Variants in TRDN observed in about 807,000 individuals in gnomAD.
The protein encoded by TRDN is triadin, also known as triadin in skeletal muscle.
Under a neutral mutation model 149.7 loss-of-function variants are expected in TRDN, and 161 were observed. The ratio of observed to expected loss-of-function variants is 1.08; its 90% CI spans 0.95 to 1.23. The LOEUF (loss-of-function observed/expected upper bound fraction) is 1.23. Ranked by LOEUF, TRDN falls within the 50% of genes most tolerant of loss-of-function variation. The probability of loss-of-function intolerance (pLI) is 0.00; values close to 1 mark genes in which losing one functional copy is unlikely to be tolerated. For missense variants in TRDN, 896 were observed against 823.5 expected, an observed-to-expected ratio of 1.09 and a Z score of -1.08; for synonymous variants, 294 against 250.5, an observed-to-expected ratio of 1.17 and a Z score of -1.64.
At chr6:123,312,363 A>T (rs1421614084) in intron 24 of TRDN, among the ~76,000 whole-genome samples, 1 of 151,820 alleles carries the variant, frequency 6.6e-6, no homozygotes, top group African/African-American at 2.4e-5. Flanking sequence ...TCCTCAGCCT[A>T]CTCAACATGA....
Position 123,352,472 on chromosome 6 carries a change from G to T in TRDN, c.1369+67C>A, listed in dbSNP as rs369318318. The T allele has an allele frequency of 8.5e-5, 135 of 1,593,368 alleles. No individual in the cohort carries two copies. In the African/African-American group the frequency reaches 1.7e-3, roughly 21 times the overall value. ...ATTGTCTTCCGCCTGTCTGAATCCAGTGCTTTCCTCCGCATGTTGTTGTCT... is the reference window on the plus strand; with the variant it reads ...ATTGTCTTCCGCCTGTCTGAATCCATTGCTTTCCTCCGCATGTTGTTGTCT... On this transcript the variant is annotated intron_variant, in intron 21 of 40. Coordinates refer to ENST00000334268, the MANE Select transcript of TRDN (RefSeq NM_006073.4).
chr6:123,376,436 T>C (rs1466108805), intron 18 of TRDN, among the ~76,000 whole-genome samples: 1 of 152,182 alleles, frequency 6.6e-6, no homozygotes, highest in Non-Finnish European at 1.5e-5. Context: ...AAAAATGTAA[T>C]TGTTCTATTT....
intron 1 of TRDN, among the ~76,000 whole-genome samples, chr6:123,592,806 A>G (rs532367300): frequency 6.6e-6 from 1 of 152,324 alleles, no homozygotes; most frequent in Non-Finnish European, 1.5e-5. Context: ...TCCCTTGAAT[A>G]GTATTGATCT....
chr6:123,579,390 T>C (rs569523405), intron 1 of TRDN, among the ~76,000 whole-genome samples: 14 of 152,314 alleles, frequency 9.2e-5, no homozygotes, highest in Non-Finnish European at 1.5e-4. Flanking sequence ...CTTCATCTAT[T>C]GAGATAATCA....
chr6:123,603,850 C>G (rs140265085), intron 1 of TRDN, among the ~76,000 whole-genome samples: 2 of 152,096 alleles, frequency 1.3e-5, no homozygotes, highest in South Asian at 4.1e-4. Flanking sequence ...TATCATTGGG[C>G]ATAAACTGAA....
intron 24 of TRDN, among the ~76,000 whole-genome samples, chr6:123,314,389 A>G (rs1201463469): frequency 6.6e-6 from 1 of 151,958 alleles, no homozygotes; most frequent in African/African-American, 2.4e-5. Context: ...CGCATATACA[A>G]TGTTGGTGGG....
intron 39 of TRDN, 134 bp downstream of exon 39, chr6:123,223,959 G>T: frequency 1.5e-6 from 1 of 654,664 alleles, no homozygotes; most frequent in Non-Finnish European, 2.5e-6. Flanking sequence ...TTAAAAATAA[G>T]CCTACCATGT....
Position 123,562,987 on chromosome 6 carries a change from A to G in TRDN, c.232+7936T>C, listed in dbSNP as rs1359416286. Among the ~76,000 whole-genome samples, 11 of 152,180 alleles carry G rather than the reference A, an allele frequency of 7.2e-5. No individual in the cohort carries two copies. The South Asian group carries it at 8.3e-4, about 11-fold the overall frequency. The stretch of plus-strand genomic sequence containing the variant: ...CCCTCTGCTTTAAAAAACTTTCTCA[A>G]CTGAAATTTTTCCACACTCATCTTT... On this transcript the variant is annotated intron_variant, in intron 2 of 40. Transcript: ENST00000334268.
At chr6:123,571,304 C>T (rs1238393031) in intron 1 of TRDN, among the ~76,000 whole-genome samples, 172 bp from the exon 2 acceptor site, 2 of 152,194 alleles carry the variant, frequency 1.3e-5, no homozygotes, top group East Asian at 3.9e-4. Flanking sequence ...ATCTTTTCCT[C>T]AGCATTTACT....
At chr6:123,381,232 C>CT in intron 16 of TRDN, 138 bp downstream of exon 16, 1 of 768,734 alleles carries the variant, frequency 1.3e-6, no homozygotes, top group East Asian at 2.8e-5. Context: ...TATTTTTTCA[C>CT]TTGGACAAAA....
chr6:123,587,158 C>G (rs1425290832), intron 1 of TRDN, among the ~76,000 whole-genome samples: 2 of 152,096 alleles, frequency 1.3e-5, no homozygotes, highest in Admixed American at 1.3e-4. Context: ...AAAAGCGGGA[C>G]TTGCCACTAA....
At chr6:123,485,726 A>G (rs1298409153) in intron 9 of TRDN, among the ~76,000 whole-genome samples, 2 of 152,188 alleles carry the variant, frequency 1.3e-5, no homozygotes, top group African/African-American at 4.8e-5. Context: ...TGCTTAAAAT[A>G]TACATTAACC....
chr6:123,352,436 A>C, intron 21 of TRDN, 103 bp downstream of exon 21: 16 of 1,520,940 alleles, frequency 1.1e-5, no homozygotes, highest in Non-Finnish European at 1.4e-5. Flanking sequence ...AGAGTAATAG[A>C]CTTAAAGGTT....
chr6:123,426,641 G>T (rs1774130147), intron 12 of TRDN, among the ~76,000 whole-genome samples: 1 of 152,030 alleles, frequency 6.6e-6, no homozygotes, highest in African/African-American at 2.4e-5. Flanking sequence ...CATCAGCATG[G>T]TATCTTTCAA....
At chr6:123,489,926 G>A (rs995419443) in intron 9 of TRDN, among the ~76,000 whole-genome samples, 1 of 151,336 alleles carries the variant, frequency 6.6e-6, no homozygotes, top group Non-Finnish European at 1.5e-5. Context: ...TTGTTTCACT[G>A]AACACAGTTT....
At chr6:123,326,693 T>G (rs1332680946) in intron 23 of TRDN, among the ~76,000 whole-genome samples, 1 of 152,024 alleles carries the variant, frequency 6.6e-6, no homozygotes, top group Non-Finnish European at 1.5e-5. Flanking sequence ...AAATTGTTAG[T>G]CCACATTATA....
In TRDN at chr6:123,530,567, T is replaced by TTTTTA; in HGVS notation, c.425-3_425-2insTAAAA. ...TTTCAGTCTTATCTTTGTGTATTTC[T>TTTTTA]AAGAAAAAATAGAATTTATAATTTT... is the stretch of plus-strand genomic sequence containing the variant. On this transcript the variant is annotated splice_region_variant and splice_polypyrimidine_tract_variant and intron_variant, in intron 4 of 40. Transcript: ENST00000334268. 8.1e-7 allele frequency: 1 copy of TTTTTA among 1,234,904 alleles called. No homozygotes were observed. The highest frequency in any genetic ancestry group is 3.1e-5 in the East Asian group (1 of 32,744). 76.5% of individuals were successfully genotyped at this position (1,234,904 alleles called of 1,614,324 possible). A position where few individuals can be genotyped will look rare whatever the true frequency, so the allele number is the denominator to read the frequency against.
intron 33 of TRDN, among the ~76,000 whole-genome samples, chr6:123,264,685 A>C (rs999614782): frequency 1.3e-5 from 2 of 152,048 alleles, no homozygotes; most frequent in African/African-American, 4.8e-5. Context: ...CAGTCAATCA[A>C]TGTACCAAAC....
chr6:123,226,852 G>A (rs2114511873), intron 38 of TRDN, among the ~76,000 whole-genome samples: 1 of 151,952 alleles, frequency 6.6e-6, no homozygotes. Flanking sequence ...AAATTTTAAA[G>A]AGTGACCTGC....
Sources: allele counts gnomAD v4.1 joint callset (sites outside exome capture counted in the v4.1 genomes callset), GRCh38; gene constraint gnomAD v4.1.1; transcripts MANE v1.5; gene names NCBI Gene and HGNC (gene_info 2026-07-23, HGNC 2026-07-21).